ATP6V1C1: variants seen among roughly 807,000 people sequenced by gnomAD.
ATP6V1C1 encodes ATPase H+ transporting V1 subunit C1.
ATP6V1C1 carries 45 observed loss-of-function variants against 53.9 expected under a neutral mutation model. That is an observed-to-expected ratio of 0.83 (90% CI 0.66 to 1.07). The LOEUF (loss-of-function observed/expected upper bound fraction) is 1.07, where lower values mean the gene tolerates loss of function less well. Ranked by LOEUF, ATP6V1C1 falls within the 50% of genes least tolerant of loss-of-function variation. ATP6V1C1 has a pLI of 0.00. For missense variants in ATP6V1C1, 315 were observed against 440.3 expected, an observed-to-expected ratio of 0.72 and a Z score of 2.55; for synonymous variants, 153 against 155.2, an observed-to-expected ratio of 0.99 and a Z score of 0.11.
intron 1 of ATP6V1C1, among the ~76,000 whole-genome samples, chr8:103,027,844 C>T (rs1406446921): frequency 6.6e-6 from 1 of 152,096 alleles, no homozygotes; most frequent in Non-Finnish European, 1.5e-5. Context: ...TCCTCCCACC[C>T]TCCCTGCACA....
At chr8:103,028,742 C>T (rs7013362) in intron 1 of ATP6V1C1, among the ~76,000 whole-genome samples, 69,651 of 151,980 alleles carry the variant, frequency 0.46, 16,345 homozygotes, top group African/African-American at 0.54. Flanking sequence ...AGTGCTCTGG[C>T]GATTACATTG....
intron 11 of ATP6V1C1, among the ~76,000 whole-genome samples, 154 bp downstream of exon 11, chr8:103,064,965 C>T (rs1426825849): frequency 6.6e-6 from 1 of 152,154 alleles, no homozygotes; most frequent in Non-Finnish European, 1.5e-5. Flanking sequence ...CATCATACAG[C>T]TTATAAAATG....
At chr8:103,047,807 A>G (rs1384352197) in intron 3 of ATP6V1C1, among the ~76,000 whole-genome samples, 1 of 152,104 alleles carries the variant, frequency 6.6e-6, no homozygotes, top group Non-Finnish European at 1.5e-5. Context: ...TTGTAAAACC[A>G]TTTCTGTCCT....
At position 103,071,764 on chromosome 8, in the gene ATP6V1C1, G is replaced by A. The variant is rs747266664; in HGVS notation, c.*3017G>A. 3.3e-5 allele frequency: 5 copies of A among 152,932 alleles called. No homozygotes were observed. The highest frequency in any genetic ancestry group is 1.9e-4 in the East Asian group (1 of 5,218). The allele number at this position is 152,932 out of a possible 1,614,324, so 9.5% of individuals were successfully genotyped here. On this transcript the variant is annotated 3_prime_UTR_variant, in exon 13 of 13. Transcript: ENST00000518738. ...CCCAAGTAGCTGGGCCTACAGGTGC[G>A]TGCTACCACGCCTGGCCAATTTTTT...
chr8:103,046,686 G>A (rs1420211381), intron 3 of ATP6V1C1, among the ~76,000 whole-genome samples: 1 of 152,124 alleles, frequency 6.6e-6, no homozygotes, highest in African/African-American at 2.4e-5. Flanking sequence ...AAATCATGTC[G>A]TTGTTAGACT....
At chr8:103,032,909 A>G (rs1053612860) in intron 1 of ATP6V1C1, among the ~76,000 whole-genome samples, 1 of 152,228 alleles carries the variant, frequency 6.6e-6, no homozygotes, top group African/African-American at 2.4e-5. Context: ...CTCTATTCTT[A>G]GTGGTCCCAA....
intron 2 of ATP6V1C1, among the ~76,000 whole-genome samples, chr8:103,041,353 C>G (rs1184812992): frequency 6.6e-6 from 1 of 152,178 alleles, no homozygotes; most frequent in African/African-American, 2.4e-5. Context: ...ATGGCACCTA[C>G]TTAATCACAC....
At position 103,071,748 on chromosome 8, in the gene ATP6V1C1, C is replaced by T. The variant is rs944621109; in HGVS notation, c.*3001C>T. On this transcript the variant is annotated 3_prime_UTR_variant, in exon 13 of 13. Coordinates refer to ENST00000518738, the MANE Select transcript of ATP6V1C1 (RefSeq NM_001695.5). ...TCCTCCCACCTCAGCCCCCAAGTAGCTGGGCCTACAGGTGCGTGCTACCAC... is the reference window on the plus strand; with the variant it reads ...TCCTCCCACCTCAGCCCCCAAGTAGTTGGGCCTACAGGTGCGTGCTACCAC... The T allele has an allele frequency of 1.3e-5, 2 of 154,126 alleles. No individual in the cohort carries two copies. The highest frequency in any genetic ancestry group is 4.8e-5 in the African/African-American group (2 of 41,482). The allele number at this position is 154,126 out of a possible 1,614,324, so 9.5% of individuals were successfully genotyped here.
intron 2 of ATP6V1C1, among the ~76,000 whole-genome samples, chr8:103,042,064 TCAA>T (rs1817010484): frequency 1.3e-5 from 2 of 152,136 alleles, no homozygotes; most frequent in African/African-American, 4.8e-5. Context: ...AACTAAGACT[TCAA>T]ATGATCCAGT....
intron 7 of ATP6V1C1, among the ~76,000 whole-genome samples, chr8:103,055,600 G>T (rs924586733): frequency 6.6e-6 from 1 of 152,076 alleles, no homozygotes; most frequent in Non-Finnish European, 1.5e-5. Context: ...TCTATACTGT[G>T]CTTTACTTCC....
At chr8:103,036,694 C>T (rs899732751) in intron 1 of ATP6V1C1, among the ~76,000 whole-genome samples, 3 of 152,132 alleles carry the variant, frequency 2.0e-5, no homozygotes, top group African/African-American at 7.2e-5. Context: ...CTTTCCTATT[C>T]CTTGAAATCC....
At chr8:103,041,691 G>GTGAA (rs1817003608) in intron 2 of ATP6V1C1, among the ~76,000 whole-genome samples, 1 of 152,056 alleles carries the variant, frequency 6.6e-6, no homozygotes, top group Non-Finnish European at 1.5e-5. Context: ...GGCCAACATG[G>GTGAA]TGAAACCCAG....
intron 6 of ATP6V1C1, among the ~76,000 whole-genome samples, chr8:103,053,360 T>G (rs535664553): frequency 2.0e-5 from 3 of 151,958 alleles, no homozygotes; most frequent in African/African-American, 7.2e-5. Flanking sequence ...GAGGGAAAGT[T>G]GGTTGGATAC....
At chr8:103,046,680 C>A (rs907479984) in intron 3 of ATP6V1C1, among the ~76,000 whole-genome samples, 4 of 151,436 alleles carry the variant, frequency 2.6e-5, no homozygotes, top group Non-Finnish European at 5.9e-5. Flanking sequence ...ATTTAAAAAT[C>A]ATGTCGTTGT....
intron 11 of ATP6V1C1, among the ~76,000 whole-genome samples, chr8:103,065,591 C>CA (rs1271647853): frequency 1.3e-5 from 2 of 151,666 alleles, no homozygotes; most frequent in East Asian, 1.9e-4. Context: ...ACAAAACAAA[C>CA]AAAAAAACAC....
At chr8:103,032,002 A>T (rs969815108) in intron 1 of ATP6V1C1, among the ~76,000 whole-genome samples, 9 of 82,264 alleles carry the variant, frequency 1.1e-4, no homozygotes, top group East Asian at 5.8e-4. Flanking sequence ...CATATATTGT[A>T]AAAAAAAAAC....
Position 103,066,316 on chromosome 8 carries a change from G to A in ATP6V1C1, c.927-5G>A. ...TTGCGTACTGTATTTCTGCTTTTTT[G>A]TAAGGTATGGCTTGCCAGTGAACTT... On this transcript the variant is annotated splice_region_variant and splice_polypyrimidine_tract_variant and intron_variant, in intron 11 of 12. Coordinates refer to ENST00000518738, the MANE Select transcript of ATP6V1C1 (RefSeq NM_001695.5). 1.3e-6 allele frequency: 2 copies of A among 1,595,386 alleles called. No homozygotes were observed. Among genetic ancestry groups the A allele is most frequent in the Non-Finnish European group, 1.7e-6 (2 of 1,175,174 alleles).
chr8:103,049,863 G>T (rs919883486), intron 4 of ATP6V1C1, among the ~76,000 whole-genome samples: 1 of 152,086 alleles, frequency 6.6e-6, no homozygotes, highest in African/African-American at 2.4e-5. Flanking sequence ...AGGCTGAGGA[G>T]GGGGGATTGC....
At chr8:103,066,231 G>T in intron 11 of ATP6V1C1, 90 bp from the exon 12 acceptor site, 1 of 1,432,284 alleles carries the variant, frequency 7.0e-7, no homozygotes, top group Non-Finnish European at 9.4e-7. Flanking sequence ...CGTTAACCAT[G>T]ATTAAAGAGT....
Sources: allele counts gnomAD v4.1 joint callset (sites outside exome capture counted in the v4.1 genomes callset), GRCh38; gene constraint gnomAD v4.1.1; transcripts MANE v1.5; gene names NCBI Gene and HGNC (gene_info 2026-07-23, HGNC 2026-07-21).